NCALD: variants seen among roughly 807,000 people sequenced by gnomAD.
NCALD encodes neurocalcin-delta.
A neutral mutation model predicts 18.6 loss-of-function variants in NCALD; 10 were observed. That is an observed-to-expected ratio of 0.54 (90% CI 0.33 to 0.91). The LOEUF (loss-of-function observed/expected upper bound fraction) is 0.91, where lower values mean the gene tolerates loss of function less well. Ranked by LOEUF, NCALD falls within the 40% of genes least tolerant of loss-of-function variation. The pLI is 0.03. For missense variants in NCALD, 184 were observed against 247.6 expected, an observed-to-expected ratio of 0.74 and a Z score of 1.72; for synonymous variants, 88 against 87.4, an observed-to-expected ratio of 1.01 and a Z score of -0.04.
intron 1 of NCALD, among the ~76,000 whole-genome samples, chr8:101,720,952 A>G (rs886736953): frequency 6.6e-6 from 1 of 152,184 alleles, no homozygotes; most frequent in African/African-American, 2.4e-5. Context: ...GGACGATATG[A>G]CAGATATGCT....
At chr8:101,830,912 T>C (rs1200029066) in intron 4 of NCALD, among the ~76,000 whole-genome samples, 1 of 151,824 alleles carries the variant, frequency 6.6e-6, no homozygotes, top group African/African-American at 2.4e-5. Flanking sequence ...ATAAAATCAA[T>C]AAATTCATGT....
chr8:101,710,257 C>T (rs1815722789), intron 2 of NCALD, among the ~76,000 whole-genome samples: 1 of 152,220 alleles, frequency 6.6e-6, no homozygotes, highest in African/African-American at 2.4e-5. Flanking sequence ...TTTTCATGGT[C>T]TTCACAACCC....
rs1323686567 is a variant in NCALD, at chr8:101,719,579, C to T, written c.51G>A (p.Leu17=). The T allele has an allele frequency of 1.9e-6, 3 of 1,611,606 alleles. No individual in the cohort carries two copies. The highest frequency in any genetic ancestry group is 2.5e-6 in the Non-Finnish European group (3 of 1,179,208). ...CATGCTCTGTAAAGTCTGTGCTTTC[C>T]AGCAAGTCCTGCATGACCTCCGGGC... ...KLRPEVMQDL[L]ESTDFTEHEI... Residue 17 remains leucine, a synonymous_variant, in exon 2 of 4, where the codon CTG becomes CTA. Transcript: ENST00000220931.
chr8:101,741,824 CT>C (rs1026230263), intron 1 of NCALD, among the ~76,000 whole-genome samples: 2 of 147,666 alleles, frequency 1.4e-5, no homozygotes, highest in African/African-American at 5.0e-5. Flanking sequence ...GTGGTCTCAG[CT>C]ACTCAGGAAG....
intron 2 of NCALD, among the ~76,000 whole-genome samples, chr8:101,921,720 A>G (rs1476377350): frequency 6.6e-6 from 1 of 152,216 alleles, no homozygotes; most frequent in Non-Finnish European, 1.5e-5. Flanking sequence ...TCTAGTTCCA[A>G]CAATCTAAGA....
intron 4 of NCALD, among the ~76,000 whole-genome samples, chr8:101,883,197 C>A (rs77308370): frequency 6.6e-6 from 1 of 152,022 alleles, no homozygotes; most frequent in African/African-American, 2.4e-5. Context: ...CACAGTGAGA[C>A]ACTCTGACTC....
intron 2 of NCALD, among the ~76,000 whole-genome samples, chr8:101,979,359 C>G (rs1240541707): frequency 6.6e-6 from 1 of 152,168 alleles, no homozygotes; most frequent in African/African-American, 2.4e-5. Flanking sequence ...TGCATGTCTA[C>G]CACACTGGAT....
intron 1 of NCALD, among the ~76,000 whole-genome samples, chr8:101,726,406 G>T (rs982624091): frequency 5.9e-5 from 9 of 152,100 alleles, no homozygotes; most frequent in African/African-American, 2.2e-4. Context: ...AACCAGGGTG[G>T]TATCAGCAGA....
chr8:101,970,953 A>G (rs889942077), intron 2 of NCALD, among the ~76,000 whole-genome samples: 1 of 152,078 alleles, frequency 6.6e-6, no homozygotes, highest in African/African-American at 2.4e-5. Context: ...ATCTTACAGG[A>G]GGGAGTTCAC....
intron 1 of NCALD, among the ~76,000 whole-genome samples, chr8:102,112,986 C>T (rs1825684934): frequency 6.8e-6 from 1 of 147,026 alleles, no homozygotes; most frequent in Admixed American, 6.6e-5. Context: ...GCCAAATAAA[C>T]CTTTTTTCTT....
At chr8:101,866,815 T>C (rs894704923) in intron 4 of NCALD, among the ~76,000 whole-genome samples, 2 of 152,168 alleles carry the variant, frequency 1.3e-5, no homozygotes, top group African/African-American at 4.8e-5. Context: ...TGTCGCTAGT[T>C]CTGTCCTTAC....
chr8:101,921,756 T>C (rs1289680795), intron 2 of NCALD, among the ~76,000 whole-genome samples: 1 of 152,188 alleles, frequency 6.6e-6, no homozygotes. Context: ...AGATTCTTAA[T>C]TTTTTCCTTA....
intron 1 of NCALD, among the ~76,000 whole-genome samples, chr8:101,760,311 C>G (rs759327209): frequency 6.6e-6 from 1 of 152,168 alleles, no homozygotes; most frequent in Non-Finnish European, 1.5e-5. Flanking sequence ...CCAGTGGGCT[C>G]TGAAGCAGCT....
chr8:101,815,530 C>T lies in NCALD; in HGVS notation c.-20+71611G>A, dbSNP rs138321187. The stretch of plus-strand genomic sequence containing the variant: ...TATCTCACCAAACAAGATATGCAGA[C>T]GGCAAGTAATCATATGAAAAGATGC... On this transcript the variant is annotated intron_variant, in intron 4 of 6. Coordinates refer to the NCALD transcript ENST00000311028. Among the ~76,000 whole-genome samples, 920 of 152,146 alleles carry T rather than the reference C, an allele frequency of 6.0e-3. 11 individuals carry two copies. The highest frequency in any genetic ancestry group is 0.018 in the African/African-American group (766 of 41,522).
intron 1 of NCALD, among the ~76,000 whole-genome samples, chr8:101,764,145 C>CT (rs1811246900): frequency 6.6e-6 from 1 of 152,012 alleles, no homozygotes; most frequent in Non-Finnish European, 1.5e-5. Flanking sequence ...AAAACTGGTA[C>CT]TATATATTTG....
chr8:101,694,972 C>T (rs1360081361), intron 2 of NCALD, among the ~76,000 whole-genome samples: 1 of 152,156 alleles, frequency 6.6e-6, no homozygotes, highest in African/African-American at 2.4e-5. Flanking sequence ...AGCAACCTCT[C>T]CCCAGCTTGC....
intron 1 of NCALD, among the ~76,000 whole-genome samples, chr8:102,107,195 C>CATATATATATAT (rs67447416): frequency 2.6e-4 from 23 of 89,296 alleles, no homozygotes; most frequent in South Asian, 4.2e-4. Flanking sequence ...TATGTGTGTA[C>CATATATATATAT]ATATATATAT....
chr8:101,927,722 C>G (rs904312128), intron 2 of NCALD, among the ~76,000 whole-genome samples: 1 of 152,126 alleles, frequency 6.6e-6, no homozygotes, highest in East Asian at 1.9e-4. Context: ...GAAATTCAGG[C>G]AGTTGTGTCT....
At position 102,061,301 on chromosome 8, in the gene NCALD, A is replaced by G. The variant is rs562251537; in HGVS notation, c.-209-41012T>C. On this transcript the variant is annotated intron_variant, in intron 1 of 6. Transcript: ENST00000311028. The stretch of plus-strand genomic sequence containing the variant: ...AATCTCTTTTATGGCTCTGATGGAC[A>G]TCCAAGTACTTCATGACTGTGTCCA... Among the ~76,000 whole-genome samples, 5 of 152,332 alleles carry G rather than the reference A, an allele frequency of 3.3e-5. No homozygotes were observed. In the East Asian group the frequency reaches 7.7e-4, roughly 23 times the overall value.
Sources: allele counts gnomAD v4.1 joint callset (sites outside exome capture counted in the v4.1 genomes callset), GRCh38; gene constraint gnomAD v4.1.1; transcripts MANE v1.5; gene names NCBI Gene and HGNC (gene_info 2026-07-23, HGNC 2026-07-21).